PI4K2A: variants seen among roughly 807,000 people sequenced by gnomAD.
PI4K2A encodes the protein phosphatidylinositol 4-kinase type 2 alpha.
A neutral mutation model predicts 55.0 loss-of-function variants in PI4K2A; 20 were observed. The ratio of observed to expected loss-of-function variants is 0.36; its 90% CI spans 0.26 to 0.53. The LOEUF is 0.53. Ranked by LOEUF, PI4K2A falls within the 20% of genes least tolerant of loss-of-function variation. The pLI, the probability that PI4K2A is intolerant of heterozygous loss-of-function variation, is 0.91. For missense variants in PI4K2A, 463 were observed against 637.1 expected (o/e 0.73, Z 2.94); for synonymous variants, 235 against 258.5 (o/e 0.91, Z 0.87).
chr10:97,649,709 C>T (rs1308601293), intron 1 of PI4K2A, among the ~76,000 whole-genome samples: 2 of 145,274 alleles, frequency 1.4e-5, no homozygotes, highest in East Asian at 2.0e-4. Flanking sequence ...CTGCAACCTC[C>T]GCCTCCTGAG....
intron 1 of PI4K2A, among the ~76,000 whole-genome samples, chr10:97,647,203 A>G (rs1208219172): frequency 6.9e-6 from 1 of 145,424 alleles, no homozygotes; most frequent in Non-Finnish European, 1.5e-5. Flanking sequence ...TCTGTACCTC[A>G]CCCCTCCTTT....
chr10:97,653,253 C>T (rs1301926609), intron 2 of PI4K2A, among the ~76,000 whole-genome samples: 2 of 152,112 alleles, frequency 1.3e-5, no homozygotes, highest in Non-Finnish European at 2.9e-5. Context: ...AGTGTGGTGC[C>T]CAAGAATCAG....
chr10:97,645,108 C>T (rs764656702), intron 1 of PI4K2A, among the ~76,000 whole-genome samples: 2 of 151,934 alleles, frequency 1.3e-5, no homozygotes, highest in Non-Finnish European at 2.9e-5. Context: ...TTCTCTTTTG[C>T]GTGGAGTAAT....
chr10:97,657,000 C>T lies in PI4K2A; in HGVS notation c.922+26C>T. 6.2e-7 allele frequency: 1 copy of T among 1,613,418 alleles called. No homozygotes were observed. Among genetic ancestry groups the T allele is most frequent in the Non-Finnish European group, 8.5e-7 (1 of 1,179,480 alleles). ...GTGAGCAGCTGCAGGTGGTCCCATG[C>T]CCTGTGCCAGACTGTGTTGAGGCAT... On this transcript the variant is annotated intron_variant, in intron 4 of 8. Coordinates refer to ENST00000370631, the Ensembl canonical transcript of PI4K2A. This position sits in a 1 kb window ranked among gnomAD's most constrained non-coding sequence, Gnocchi z 4.5.
At chr10:97,661,178 A>T (rs2041581562) in intron 4 of PI4K2A, among the ~76,000 whole-genome samples, 1 of 151,896 alleles carries the variant, frequency 6.6e-6, no homozygotes, top group Non-Finnish European at 1.5e-5. Flanking sequence ...TTTTTAGTAG[A>T]GACGGGGTTT....
Position 97,640,784 on chromosome 10 carries a change from AC to A in PI4K2A, c.47del (p.Pro16ArgfsTer198). 3.3e-6 allele frequency: 5 copies of A among 1,492,748 alleles called. No homozygotes were observed. Among genetic ancestry groups the A allele is most frequent in the South Asian group, 1.3e-5 (1 of 76,888 alleles). The allele number at this position is 1,492,748 out of a possible 1,614,324, so 92.5% of individuals were successfully genotyped here. On this transcript the variant is annotated frameshift_variant, in exon 1 of 9. Transcript: ENST00000370631. LOFTEE classifies it high-confidence loss of function. ...CACTAGTGTCCCCCGAGCGGGCCCA[AC>A]CCCCGGACTACACCTTCCCGTCGGG...
intron 8 of PI4K2A, 108 bp from the exon 9 acceptor site, chr10:97,673,473 G>T: frequency 1.2e-6 from 1 of 812,824 alleles, no homozygotes; most frequent in Non-Finnish European, 1.9e-6. Context: ...TTTTCCATTG[G>T]TATTTTAAAA....
intron 8 of PI4K2A, among the ~76,000 whole-genome samples, chr10:97,672,472 T>C (rs2041640989): frequency 6.6e-6 from 1 of 152,196 alleles, no homozygotes; most frequent in Non-Finnish European, 1.5e-5. Context: ...CACTGGTTCC[T>C]TTTCTGCTTT....
intron 4 of PI4K2A, among the ~76,000 whole-genome samples, chr10:97,660,627 A>G (rs1353471596): frequency 6.6e-6 from 1 of 150,626 alleles, no homozygotes; most frequent in African/African-American, 2.4e-5. Flanking sequence ...TCAGACTTTA[A>G]TTTCATCTTA....
At chr10:97,653,161 C>A (rs1447979427) in intron 2 of PI4K2A, among the ~76,000 whole-genome samples, 1 of 152,240 alleles carries the variant, frequency 6.6e-6, no homozygotes, top group Non-Finnish European at 1.5e-5. Flanking sequence ...CCTTGCTTAT[C>A]ACTCTATAGT....
chr10:97,640,772 C>T, exon 1 of PI4K2A: 1 of 1,505,264 alleles, frequency 6.6e-7, no homozygotes, highest in Non-Finnish European at 8.9e-7. Context: ...TAGTGTCCCC[C>T]GAGCGGGCCC....
At chr10:97,653,200 C>T (rs943166792) in intron 2 of PI4K2A, among the ~76,000 whole-genome samples, 1 of 152,238 alleles carries the variant, frequency 6.6e-6, no homozygotes, top group African/African-American at 2.4e-5. Context: ...AAATAGCAGA[C>T]CGTGTCTGGC....
intron 4 of PI4K2A, among the ~76,000 whole-genome samples, chr10:97,657,435 A>T (rs1449474782): frequency 6.6e-6 from 1 of 152,184 alleles, no homozygotes; most frequent in African/African-American, 2.4e-5. Flanking sequence ...TGGGAGGCCA[A>T]GGTGGACAGA....
At chr10:97,648,869 T>A (rs1041132531) in intron 1 of PI4K2A, among the ~76,000 whole-genome samples, 5 of 152,222 alleles carry the variant, frequency 3.3e-5, no homozygotes, top group Non-Finnish European at 5.9e-5. Flanking sequence ...TTCTGAAGAC[T>A]TATGATGTGA....
chr10:97,647,697 G>T (rs985696006), intron 1 of PI4K2A, among the ~76,000 whole-genome samples: 1 of 152,076 alleles, frequency 6.6e-6, no homozygotes, highest in Non-Finnish European at 1.5e-5. Context: ...ATGCCCTTTT[G>T]TTCCTCCATT....
rs28364829 is a variant in PI4K2A at position 97,673,781 on chromosome 10, T to G, written c.*39T>G. On this transcript the variant is annotated 3_prime_UTR_variant, in exon 9 of 9. Coordinates refer to ENST00000370631, the Ensembl canonical transcript of PI4K2A. ...CAGAGGAAATATTGTCAGAGACTGG[T>G]GGGAGGAAGCCTGGGGAGTGGGGTG... 1.3e-4 allele frequency: 203 copies of G among 1,599,806 alleles called. 7 individuals are homozygous for G. The East Asian group carries it at 4.5e-3, about 35-fold the overall frequency.
intron 4 of PI4K2A, among the ~76,000 whole-genome samples, chr10:97,659,309 C>T (rs563147130): frequency 1.1e-4 from 17 of 152,234 alleles, no homozygotes; most frequent in African/African-American, 3.9e-4. Context: ...GCTGGGATTA[C>T]AGGTGTGAAC....
chr10:97,674,103 C>A, exon 9 of PI4K2A: 1 of 181,202 alleles, frequency 5.5e-6, no homozygotes, highest in Non-Finnish European at 1.1e-5. Flanking sequence ...ACAAACAAAA[C>A]AAAAACAACT....
At chr10:97,672,254 G>A (rs2041639230) in intron 8 of PI4K2A, among the ~76,000 whole-genome samples, 1 of 151,432 alleles carries the variant, frequency 6.6e-6, no homozygotes, top group South Asian at 2.1e-4. Context: ...TGTTGGCCAG[G>A]CTGGACTTGA....
Sources: allele counts gnomAD v4.1 joint callset (sites outside exome capture counted in the v4.1 genomes callset), GRCh38; gene constraint gnomAD v4.1.1; non-coding constraint Gnocchi (gnomAD v3.1); transcripts MANE v1.5; gene names NCBI Gene and HGNC (gene_info 2026-07-23, HGNC 2026-07-21).